Variants in PPP6R3 observed in about 807,000 individuals in gnomAD.
PPP6R3 encodes the protein protein phosphatase 6 regulatory subunit 3, also known as serine/threonine-protein phosphatase 6 regulatory subunit 3.
In PPP6R3, 38 loss-of-function variants were observed where a neutral mutation model predicts 110.7. The observed-to-expected ratio is 0.34, with a 90% CI of 0.26 to 0.45. The LOEUF (loss-of-function observed/expected upper bound fraction) is 0.45. Ranked by LOEUF, PPP6R3 falls within the 20% of genes least tolerant of loss-of-function variation. PPP6R3 has a pLI of 1.00. For synonymous variants in PPP6R3, 369 were observed against 373.5 expected, an observed-to-expected ratio of 0.99 and a Z score of 0.14; for missense variants, 870 against 1,062.4, an observed-to-expected ratio of 0.82 and a Z score of 2.52.
chr11:68,576,145 G>C (rs1264260480), intron 14 of PPP6R3, 102 bp downstream of exon 14: 2 of 826,206 alleles, frequency 2.4e-6, no homozygotes, highest in Non-Finnish European at 3.8e-6. Context: ...CAGTAACTGT[G>C]AGCCAAAGAT....
chr11:68,551,228 AAAC>A, intron 6 of PPP6R3, 42 bp downstream of exon 6: 1 of 1,469,400 alleles, frequency 6.8e-7, no homozygotes, highest in Non-Finnish European at 9.4e-7. Flanking sequence ...TAGAAAAAAA[AAAC>A]AAAAAACTGT....
chr11:68,471,772 C>T (rs2098793567), intron 1 of PPP6R3, among the ~76,000 whole-genome samples: 1 of 152,084 alleles, frequency 6.6e-6, no homozygotes, highest in Non-Finnish European at 1.5e-5. Flanking sequence ...AGAGGTGACC[C>T]TTGCTGGAGC....
At chr11:68,578,155 A>T (rs765109144) in intron 14 of PPP6R3, among the ~76,000 whole-genome samples, 5 of 152,186 alleles carry the variant, frequency 3.3e-5, no homozygotes, top group Admixed American at 6.5e-5. Flanking sequence ...AGGTCTAGGC[A>T]CCAAGGAGAT....
chr11:68,470,152 G>A (rs1359356795), intron 1 of PPP6R3, among the ~76,000 whole-genome samples: 1 of 152,168 alleles, frequency 6.6e-6, no homozygotes, highest in African/African-American at 2.4e-5. Flanking sequence ...ATTTTGGTAG[G>A]GGAAAGACAG....
chr11:68,613,041 C>T, intron 23 of PPP6R3, 25 bp from the exon 24 acceptor site: 1 of 1,614,130 alleles, frequency 6.2e-7, no homozygotes, highest in South Asian at 1.1e-5. Context: ...GCAAGTGCCT[C>T]CGATGCCTGT....
intron 8 of PPP6R3, among the ~76,000 whole-genome samples, chr11:68,559,941 G>A (rs1421294188): frequency 2.1e-5 from 3 of 140,284 alleles, no homozygotes; most frequent in Non-Finnish European, 3.1e-5. Flanking sequence ...TCACCCCAGC[G>A]GTACGGTGCC....
chr11:68,565,461 A>G (rs370786193), intron 9 of PPP6R3, among the ~76,000 whole-genome samples: 10 of 152,016 alleles, frequency 6.6e-5, no homozygotes, highest in East Asian at 5.8e-4. Flanking sequence ...GTGTTTGACA[A>G]TGATGGTCAG....
chr11:68,481,848 T>C (rs759208093), intron 1 of PPP6R3, among the ~76,000 whole-genome samples: 6 of 152,154 alleles, frequency 3.9e-5, no homozygotes, highest in Non-Finnish European at 5.9e-5. Context: ...CTTGGTTCTT[T>C]ATATGTGTTA....
intron 14 of PPP6R3, among the ~76,000 whole-genome samples, chr11:68,580,218 A>G (rs2099548119): frequency 6.6e-6 from 1 of 152,180 alleles, no homozygotes; most frequent in Non-Finnish European, 1.5e-5. Context: ...AAAGGAGAGA[A>G]CAGAAGGACT....
intron 18 of PPP6R3, among the ~76,000 whole-genome samples, chr11:68,594,009 T>C (rs1359031695): frequency 1.3e-5 from 2 of 152,016 alleles, no homozygotes; most frequent in Non-Finnish European, 2.9e-5. Context: ...TAATTAATGC[T>C]GCCTATGGGA....
intron 2 of PPP6R3, among the ~76,000 whole-genome samples, chr11:68,528,986 G>T (rs928809834): frequency 6.6e-6 from 1 of 152,136 alleles, no homozygotes; most frequent in Non-Finnish European, 1.5e-5. Context: ...TATAAACTCG[G>T]CCAGAGGTTC....
At chr11:68,603,859 CA>C (rs1039167872) in intron 22 of PPP6R3, among the ~76,000 whole-genome samples, 1 of 152,156 alleles carries the variant, frequency 6.6e-6, no homozygotes, top group Non-Finnish European at 1.5e-5. Flanking sequence ...TACTTATTTT[CA>C]GTAACATACA....
chr11:68,494,387 G>A (rs1381632140), intron 1 of PPP6R3, among the ~76,000 whole-genome samples: 3 of 143,742 alleles, frequency 2.1e-5, no homozygotes, highest in African/African-American at 5.2e-5. Context: ...AGCTAGGTGC[G>A]GTGGGACACG....
In PPP6R3 at chr11:68,614,639, G is replaced by A. The variant is rs2153985982; in HGVS notation, c.*1522G>A. 1 of 1,517,518 alleles carries A rather than the reference G, an allele frequency of 6.6e-7. No individual in the cohort carries two copies. Among genetic ancestry groups the A allele is most frequent in the South Asian group, 1.3e-5 (1 of 77,408 alleles). The allele number at this position is 1,517,518 out of a possible 1,614,324, so 94.0% of individuals were successfully genotyped here. ...TTCCTTTTTCATTTTAAGTGGTGTG[G>A]AGATTCCAGCACTCCCAGGACAGTG... On this transcript the variant is annotated 3_prime_UTR_variant, in exon 24 of 24. Transcript: ENST00000393800.
Position 68,614,524 on chromosome 11 carries a change from T to A in PPP6R3, c.*1407T>A. 7.7e-6 allele frequency: 11 copies of A among 1,432,116 alleles called. No individual in the cohort carries two copies. The highest frequency in any genetic ancestry group is 1.0e-5 in the Non-Finnish European group (11 of 1,095,852). 88.7% of individuals were successfully genotyped at this position (1,432,116 alleles called of 1,614,324 possible). A position where few individuals can be genotyped will look rare whatever the true frequency, so the allele number is the denominator to read the frequency against. Reference sequence around the variant, plus strand: ...TTCTGAAAAATGGCCAACAATTTTTTTAGAAGTAGCATCCCAAGCAGCGTG... The same window carrying A: ...TTCTGAAAAATGGCCAACAATTTTTATAGAAGTAGCATCCCAAGCAGCGTG... On this transcript the variant is annotated 3_prime_UTR_variant, in exon 24 of 24. Transcript: ENST00000393800.
chr11:68,481,416 C>T lies in PPP6R3; in HGVS notation c.-158+20589C>T, dbSNP rs963560655. On this transcript the variant is annotated intron_variant, in intron 1 of 23. Coordinates refer to ENST00000393800, the MANE Select transcript of PPP6R3 (RefSeq NM_001164161.2). ...GGTTAAGAACTAACTGCCTTGAATA[C>T]GATCTTAGTGATTTTCAGTGGAGCC... Among the ~76,000 whole-genome samples the T allele has an allele frequency of 2.2e-4, 33 of 152,168 alleles. 2 individuals are homozygous for T. Among genetic ancestry groups the T allele is most frequent in the Admixed American group, 1.8e-3 (27 of 15,276 alleles).
intron 1 of PPP6R3, among the ~76,000 whole-genome samples, chr11:68,486,372 G>A (rs934849706): frequency 2.6e-5 from 4 of 152,006 alleles, no homozygotes; most frequent in African/African-American, 9.7e-5. Flanking sequence ...TTGGGAGGCC[G>A]AGGCGGGTGG....
At chr11:68,603,680 C>G in intron 22 of PPP6R3, 188 bp downstream of exon 22, 1 of 649,664 alleles carries the variant, frequency 1.5e-6, no homozygotes, top group South Asian at 2.0e-5. Context: ...CCCCTAAGTG[C>G]CTTTTCCCCC....
chr11:68,479,366 A>C (rs1194104297), intron 1 of PPP6R3, among the ~76,000 whole-genome samples: 1 of 152,194 alleles, frequency 6.6e-6, no homozygotes, highest in Non-Finnish European at 1.5e-5. Flanking sequence ...CATGAGGTCA[A>C]GGTGGAATTT....
Sources: allele counts gnomAD v4.1 joint callset (sites outside exome capture counted in the v4.1 genomes callset), GRCh38; gene constraint gnomAD v4.1.1; transcripts MANE v1.5; gene names NCBI Gene and HGNC (gene_info 2026-07-23, HGNC 2026-07-21).